COL4A2: variants seen among roughly 807,000 people sequenced by gnomAD.
COL4A2 encodes the protein collagen alpha-2(IV) chain.
A neutral mutation model predicts 200.2 loss-of-function variants in COL4A2; 99 were observed. That is an observed-to-expected ratio of 0.49 (90% CI 0.42 to 0.58). The LOEUF is 0.58. Among genes scored for constraint, COL4A2 ranks in the 20% least tolerant of loss-of-function variants. The pLI is 0.00. For synonymous variants in COL4A2, 897 were observed against 900.6 expected (o/e 1.00, Z 0.07); for missense variants, 1,950 against 2,314.1 (o/e 0.84, Z 3.23).
Position 110,434,416 on chromosome 13 carries a change from G to A in COL4A2, c.700G>A (p.Gly234Ser). The change falls in exon 12 of 48, where the codon GGT becomes AGT. Residue 234 changes from glycine to serine, a missense_variant. Gly to Ser is a moderately conservative substitution (Grantham distance 56). Around this residue, in one of 2 missense-constraint regions of COL4A2, gnomAD observed 565 missense variants for 593.5 expected, o/e 0.95. Transcript: ENST00000360467. ...ATCTTTTCAGGGCAACAGAGGACTT[G>A]GTTTCTACGGAGTTAAGGGTGAAAA... is the stretch of plus-strand genomic sequence containing the variant. ...PKGQQGNRGL[G>S]FYGVKGEKGD... The A allele has an allele frequency of 6.2e-7, 1 of 1,613,952 alleles. No individual in the cohort carries two copies. The highest frequency in any genetic ancestry group is 8.5e-7 in the Non-Finnish European group (1 of 1,179,908).
chr13:110,455,207 T>C (rs1042469396), intron 20 of COL4A2, among the ~76,000 whole-genome samples: 13 of 152,152 alleles, frequency 8.5e-5, no homozygotes, highest in Non-Finnish European at 1.2e-4. Flanking sequence ...CTTTAATGGC[T>C]TCCTACTGCC....
At chr13:110,355,418 TG>T (rs1277196329) in intron 3 of COL4A2, among the ~76,000 whole-genome samples, 16 of 34,356 alleles carry the variant, frequency 4.7e-4, no homozygotes, top group African/African-American at 2.7e-3. Context: ...CCTGTGTGTG[TG>T]GGGGAGGGCT....
intron 4 of COL4A2, among the ~76,000 whole-genome samples, chr13:110,373,980 C>T (rs1878128239): frequency 6.6e-6 from 1 of 152,210 alleles, no homozygotes; most frequent in African/African-American, 2.4e-5. Context: ...ACTTGGCACC[C>T]TGGAATATCT....
intron 3 of COL4A2, among the ~76,000 whole-genome samples, chr13:110,331,899 G>A (rs960746983): frequency 5.3e-5 from 8 of 152,018 alleles, no homozygotes; most frequent in Admixed American, 2.0e-4. Context: ...AAATACAGTC[G>A]CCCATTTGGT....
At chr13:110,446,999 A>AT in intron 18 of COL4A2, 135 bp downstream of exon 18, 1 of 568,740 alleles carries the variant, frequency 1.8e-6, no homozygotes, top group Middle Eastern at 4.9e-4. Context: ...AATAAAAAAA[A>AT]TAAAAAATAA....
chr13:110,420,126 G>A (rs1264227319), intron 4 of COL4A2, among the ~76,000 whole-genome samples: 1 of 152,028 alleles, frequency 6.6e-6, no homozygotes, highest in East Asian at 1.9e-4. Context: ...CCCAGGTGAC[G>A]CCGACACAGA....
At chr13:110,385,524 ACAGTGCGTGGATAGG>A (rs1878672000) in intron 4 of COL4A2, among the ~76,000 whole-genome samples, 2 of 47,608 alleles carry the variant, frequency 4.2e-5, no homozygotes, top group Non-Finnish European at 9.4e-5. Context: ...GGCCGTGGTT[ACAGTGCGTGGATAGG>A]CCGTGGTTGC....
chr13:110,350,465 C>A (rs1390980857), intron 3 of COL4A2, among the ~76,000 whole-genome samples: 1 of 152,174 alleles, frequency 6.6e-6, no homozygotes, highest in Non-Finnish European at 1.5e-5. Context: ...GGGCTCAGAG[C>A]CGCCCCAGAT....
chr13:110,383,074 T>C (rs1210959339), intron 4 of COL4A2, among the ~76,000 whole-genome samples: 1 of 152,270 alleles, frequency 6.6e-6, no homozygotes, highest in Non-Finnish European at 1.5e-5. Context: ...ACTAGCTCTT[T>C]TAAGCATCAC....
intron 41 of COL4A2, 141 bp from the exon 42 acceptor site, chr13:110,502,980 T>C (rs1594113134): frequency 1.3e-6 from 1 of 797,180 alleles, no homozygotes; most frequent in African/African-American, 1.7e-5. Context: ...TTACGACAAT[T>C]TTTTAAAAAC....
rs2281973 is a variant in COL4A2 at position 110,478,327 on chromosome 13, C to T, written c.2587+163C>T. Among the ~76,000 whole-genome samples the T allele has an allele frequency of 0.32, 49,019 of 152,102 alleles. 8,069 individuals carry two copies. Among genetic ancestry groups the T allele is most frequent in the East Asian group, 0.43 (2,239 of 5,178 alleles). Reference sequence around the variant, plus strand: ...ATGTATTTCACCTAATAAGGAGACACAAACAGCCTGAGACATCGGCTCATC... The same window carrying T: ...ATGTATTTCACCTAATAAGGAGACATAAACAGCCTGAGACATCGGCTCATC... On this transcript the variant is annotated intron_variant, in intron 30 of 47. Transcript: ENST00000360467.
intron 4 of COL4A2, among the ~76,000 whole-genome samples, chr13:110,363,771 A>G (rs572011833): frequency 6.6e-6 from 1 of 152,240 alleles, no homozygotes; most frequent in Non-Finnish European, 1.5e-5. Context: ...CCAGGATTTT[A>G]AAATAAAACT....
At chr13:110,426,384 G>A (rs1013920373) in intron 6 of COL4A2, among the ~76,000 whole-genome samples, 7 of 152,186 alleles carry the variant, frequency 4.6e-5, no homozygotes, top group African/African-American at 1.7e-4. Context: ...GAATGATTGT[G>A]GTGAGCAGGT....
intron 3 of COL4A2, among the ~76,000 whole-genome samples, chr13:110,309,071 G>T (rs926403417): frequency 1.3e-5 from 2 of 152,212 alleles, no homozygotes; most frequent in Non-Finnish European, 2.9e-5. Context: ...CACTGTGCCA[G>T]AGCAGTACAC....
chr13:110,486,972 G>T (rs1198799932), intron 34 of COL4A2, among the ~76,000 whole-genome samples: 1 of 152,222 alleles, frequency 6.6e-6, no homozygotes, highest in Non-Finnish European at 1.5e-5. Flanking sequence ...GGATATGATT[G>T]CTTAGCTTGG....
At chr13:110,406,356 G>C (rs1313856837) in intron 4 of COL4A2, among the ~76,000 whole-genome samples, 1 of 152,186 alleles carries the variant, frequency 6.6e-6, no homozygotes, top group Non-Finnish European at 1.5e-5. Context: ...CCCGGCACAG[G>C]ACTGGAAATA....
chr13:110,352,121 A>T (rs748187378), intron 3 of COL4A2, among the ~76,000 whole-genome samples: 3 of 152,240 alleles, frequency 2.0e-5, no homozygotes, highest in Non-Finnish European at 4.4e-5. Context: ...GATGACGATG[A>T]TGATGGCATG....
At chr13:110,485,145 T>G in intron 33 of COL4A2, 118 bp downstream of exon 33, 2 of 882,940 alleles carry the variant, frequency 2.3e-6, no homozygotes, top group Non-Finnish European at 3.3e-6. Context: ...TTCTTCGTGC[T>G]TTTCATCTCT....
intron 3 of COL4A2, among the ~76,000 whole-genome samples, chr13:110,321,607 G>A (rs1029246843): frequency 3.3e-5 from 5 of 152,282 alleles, no homozygotes; most frequent in East Asian, 1.9e-4. Context: ...GGCTTACTTC[G>A]TTTAGTATAA....
Sources: gnomAD v4.1 joint callset for allele counts (sites outside exome capture counted in the v4.1 genomes callset) on GRCh38, gnomAD v4.1.1 for gene constraint, gnomAD v4.1.1 regional missense constraint, MANE v1.5 for transcripts, NCBI Gene and HGNC (gene_info 2026-07-23, HGNC 2026-07-21) for gene names.